The following CADPS2 variants were observed in gnomAD, a reference collection of about 807,000 sequenced individuals.
CADPS2 encodes calcium-dependent secretion activator 2.
Under a neutral mutation model 172.5 loss-of-function variants are expected in CADPS2, and 93 were observed. The observed-to-expected ratio is 0.54, with a 90% confidence interval of 0.46 to 0.64. The LOEUF (loss-of-function observed/expected upper bound fraction) is 0.64. CADPS2 is among the 30% of genes least tolerant of loss of function. The probability of loss-of-function intolerance (pLI) is 0.00; values close to 1 mark genes in which losing one functional copy is unlikely to be tolerated. For missense variants in CADPS2, 1,420 were observed against 1,565.9 expected, an observed-to-expected ratio of 0.91 and a Z score of 1.57; for synonymous variants, 546 against 555.2, an observed-to-expected ratio of 0.98 and a Z score of 0.23.
rs533680508 is a variant in CADPS2, at chr7:122,422,469, A to C, written c.2477-6305T>G. On this transcript the variant is annotated intron_variant, in intron 17 of 29. Coordinates refer to ENST00000449022, the MANE Select transcript of CADPS2 (RefSeq NM_017954.11). ...TGGATCCTTCCTTTTCCCTCTCCCC[A>C]CTAAAGGAGATAGTGATTGATCCCC... is the stretch of plus-strand genomic sequence containing the variant. Among the ~76,000 whole-genome samples the C allele has an allele frequency of 2.0e-5, 3 of 152,244 alleles. No homozygotes were observed. In the East Asian group the frequency reaches 5.8e-4, roughly 29 times the overall value.
At chr7:122,688,234 A>G (rs2083882200) in intron 2 of CADPS2, among the ~76,000 whole-genome samples, 1 of 152,274 alleles carries the variant, frequency 6.6e-6, no homozygotes, top group Non-Finnish European at 1.5e-5. Flanking sequence ...AGGTTTTAAA[A>G]TCAGTGTTAC....
chr7:122,847,565 A>G (rs1812337593), intron 1 of CADPS2, among the ~76,000 whole-genome samples: 1 of 152,066 alleles, frequency 6.6e-6, no homozygotes, highest in Non-Finnish European at 1.5e-5. Context: ...AAAATGGCCA[A>G]AACATACAAA....
chr7:122,697,925 TAG>T, intron 2 of CADPS2: 1 of 1,613,928 alleles, frequency 6.2e-7, no homozygotes, highest in African/African-American at 1.3e-5. Flanking sequence ...TCCTCTTCAC[TAG>T]GTGATAAGGT....
intron 2 of CADPS2, among the ~76,000 whole-genome samples, chr7:122,708,710 T>C (rs987869692): frequency 6.6e-6 from 1 of 151,714 alleles, no homozygotes; most frequent in Non-Finnish European, 1.5e-5. Context: ...CTCTTCTTCA[T>C]TCAGAATTCA....
intron 1 of CADPS2, among the ~76,000 whole-genome samples, chr7:122,738,266 A>G (rs906350694): frequency 6.6e-6 from 1 of 152,114 alleles, no homozygotes; most frequent in Non-Finnish European, 1.5e-5. Context: ...AATATTAACA[A>G]TTTCAAGACG....
chr7:122,616,045 G>A (rs865982444), intron 5 of CADPS2, among the ~76,000 whole-genome samples: 2 of 151,978 alleles, frequency 1.3e-5, no homozygotes, highest in Admixed American at 1.3e-4. Flanking sequence ...AATGTTTGTC[G>A]AAGAGGCTGC....
chr7:122,671,444 A>T (rs887569971), intron 2 of CADPS2, among the ~76,000 whole-genome samples: 6 of 152,192 alleles, frequency 3.9e-5, no homozygotes, highest in African/African-American at 1.2e-4. Context: ...TCACAGAGGA[A>T]AGGCTGGACT....
At chr7:122,826,812 T>C (rs373111426) in intron 1 of CADPS2, among the ~76,000 whole-genome samples, 2 of 151,994 alleles carry the variant, frequency 1.3e-5, no homozygotes, top group African/African-American at 2.4e-5. Context: ...AAAGGAAAAT[T>C]TGTAGCATTA....
intron 1 of CADPS2, among the ~76,000 whole-genome samples, chr7:122,813,865 T>C (rs1359883533): frequency 2.0e-5 from 3 of 152,048 alleles, no homozygotes; most frequent in Non-Finnish European, 2.9e-5. Flanking sequence ...CTTAAATTAA[T>C]GCTGAACAAA....
intron 3 of CADPS2, among the ~76,000 whole-genome samples, chr7:122,640,033 T>C (rs990612369): frequency 5.3e-5 from 8 of 152,174 alleles, no homozygotes; most frequent in Non-Finnish European, 1.0e-4. Context: ...AAGCCCAGAA[T>C]AGAATCTCAA....
chr7:122,809,585 A>C (rs1213773186), intron 1 of CADPS2, among the ~76,000 whole-genome samples: 2 of 151,976 alleles, frequency 1.3e-5, no homozygotes, highest in South Asian at 2.1e-4. Context: ...GTCTCAAAAA[A>C]AAAAAAAAAA....
At chr7:122,665,845 A>C (rs896556603) in intron 2 of CADPS2, among the ~76,000 whole-genome samples, 3 of 152,214 alleles carry the variant, frequency 2.0e-5, no homozygotes, top group East Asian at 3.9e-4. Flanking sequence ...TTACTATTGG[A>C]AAGTCTCCCT....
intron 17 of CADPS2, among the ~76,000 whole-genome samples, chr7:122,434,532 C>T (rs768282165): frequency 1.7e-4 from 26 of 152,120 alleles, no homozygotes; most frequent in Non-Finnish European, 3.2e-4. Context: ...CTCCAAAGTC[C>T]AGAGTGCCTA....
chr7:122,854,727 A>C (rs1488348130), intron 1 of CADPS2, among the ~76,000 whole-genome samples: 1 of 152,236 alleles, frequency 6.6e-6, no homozygotes, highest in Non-Finnish European at 1.5e-5. Flanking sequence ...AAAAGCTTCC[A>C]TACAAAAACA....
intron 1 of CADPS2, among the ~76,000 whole-genome samples, chr7:122,871,941 T>G (rs1185025540): frequency 2.0e-5 from 3 of 152,100 alleles, no homozygotes. Context: ...TGCTAGACTC[T>G]CTTTTCTTGG....
intron 1 of CADPS2, among the ~76,000 whole-genome samples, chr7:122,860,342 T>G (rs1006146654): frequency 6.6e-6 from 1 of 152,068 alleles, no homozygotes; most frequent in African/African-American, 2.4e-5. Flanking sequence ...ATCACCTACC[T>G]CGGTTTTCCA....
intron 13 of CADPS2, 94 bp from the exon 14 acceptor site, chr7:122,471,656 C>T: frequency 1.0e-6 from 1 of 981,994 alleles, no homozygotes; most frequent in Admixed American, 3.1e-5. Context: ...TAAGCAGAAG[C>T]TGCATGAAAG....
At chr7:122,364,186 G>T (rs1268679094) in intron 25 of CADPS2, among the ~76,000 whole-genome samples, 2 of 152,002 alleles carry the variant, frequency 1.3e-5, no homozygotes, top group African/African-American at 4.8e-5. Flanking sequence ...CAAGGCAGGA[G>T]TATTGCTTGA....
At chr7:122,323,785 T>C (rs1013945273) in intron 29 of CADPS2, among the ~76,000 whole-genome samples, 5 of 150,732 alleles carry the variant, frequency 3.3e-5, no homozygotes, top group African/African-American at 1.2e-4. Context: ...ATCATAAGGA[T>C]AAACAGCTAA....
Sources: allele counts gnomAD v4.1 joint callset (sites outside exome capture counted in the v4.1 genomes callset), GRCh38; gene constraint gnomAD v4.1.1; transcripts MANE v1.5; gene names NCBI Gene and HGNC (gene_info 2026-07-23, HGNC 2026-07-21).